The following RBX1 variants were observed in gnomAD, a reference collection of about 807,000 sequenced individuals.
RBX1 encodes the protein E3 ubiquitin-protein ligase RBX1.
For synonymous variants in RBX1, 48 were observed against 47.9 expected (o/e 1.00, Z -0.01); for missense variants, 46 against 141.4 (o/e 0.33, Z 3.42).
At chr22:40,955,973 T>G (rs1159966541) in intron 2 of RBX1, among the ~76,000 whole-genome samples, 2 of 152,232 alleles carry the variant, frequency 1.3e-5, no homozygotes, top group Non-Finnish European at 2.9e-5. Flanking sequence ...CCTTGCATTT[T>G]CACAAGGAGT....
At chr22:40,964,375 A>C (rs1349229819) in intron 3 of RBX1, 1 of 344,432 alleles carries the variant, frequency 2.9e-6, no homozygotes, top group Non-Finnish European at 5.4e-6. Flanking sequence ...TTGGGGCTTC[A>C]TCTATGGGAA....
chr22:40,963,313 T>C (rs1277460564), intron 2 of RBX1, among the ~76,000 whole-genome samples: 1 of 152,112 alleles, frequency 6.6e-6, no homozygotes, highest in Non-Finnish European at 1.5e-5. Context: ...CCAGTTGTGC[T>C]TTACCCATCA....
intron 4 of RBX1, among the ~76,000 whole-genome samples, chr22:40,970,047 C>A: frequency 2.2e-5 from 3 of 137,314 alleles, no homozygotes; most frequent in South Asian, 2.5e-4. Context: ...GGTAATAGAC[C>A]CAATTTAAAA....
At chr22:40,957,328 A>G (rs2058328374) in intron 2 of RBX1, among the ~76,000 whole-genome samples, 1 of 148,080 alleles carries the variant, frequency 6.8e-6, no homozygotes, top group Non-Finnish European at 1.5e-5. Context: ...CTGGACAAAA[A>G]GAGCAAAACT....
intron 2 of RBX1, among the ~76,000 whole-genome samples, chr22:40,956,992 G>A (rs947459769): frequency 1.3e-5 from 2 of 151,770 alleles, no homozygotes; most frequent in African/African-American, 2.4e-5. Context: ...CTGAGATCGC[G>A]CCATTGCACT....
chr22:40,967,241 A>C (rs12166456), intron 3 of RBX1: 1 of 152,310 alleles, frequency 6.6e-6, no homozygotes, highest in Non-Finnish European at 1.5e-5. Context: ...AAATCTAGAA[A>C]TAAAGTTTCT....
At chr22:40,955,782 T>C (rs2058323798) in intron 2 of RBX1, among the ~76,000 whole-genome samples, 2 of 152,232 alleles carry the variant, frequency 1.3e-5, no homozygotes, top group Admixed American at 1.3e-4. Context: ...ATACTGGTCA[T>C]GTATTGCCCT....
chr22:40,964,510 G>T, intron 3 of RBX1: 1 of 189,204 alleles, frequency 5.3e-6, no homozygotes, highest in Non-Finnish European at 1.1e-5. Flanking sequence ...ATTGAGTGTT[G>T]AAGTCTCTGT....
chr22:40,961,081 C>CTTTTTTTTTTTTTTTTTTTTTTTTT (rs61092253), intron 2 of RBX1, among the ~76,000 whole-genome samples: 2 of 107,670 alleles, frequency 1.9e-5, no homozygotes, highest in African/African-American at 7.4e-5. Context: ...CGTGCCTGGC[C>CTTTTTTTTTTTTTTTTTTTTTTTTT]TTTTTTTTTT....
intron 4 of RBX1, among the ~76,000 whole-genome samples, chr22:40,968,272 G>A (rs568682640): frequency 3.3e-5 from 5 of 151,854 alleles, no homozygotes; most frequent in South Asian, 4.2e-4. Flanking sequence ...TGTATTTTTC[G>A]TAGAGATTGG....
intron 2 of RBX1, among the ~76,000 whole-genome samples, chr22:40,961,921 A>T (rs1341810338): frequency 3.3e-5 from 5 of 151,844 alleles, no homozygotes; most frequent in African/African-American, 1.2e-4. Flanking sequence ...AGTAGCTGGG[A>T]TTACAGATAT....
At chr22:40,962,263 C>T (rs2058342792) in intron 2 of RBX1, among the ~76,000 whole-genome samples, 1 of 151,682 alleles carries the variant, frequency 6.6e-6, no homozygotes, top group African/African-American at 2.4e-5. Context: ...CACCATGCAC[C>T]ACTAACTTTT....
intron 1 of RBX1, among the ~76,000 whole-genome samples, chr22:40,953,165 ATTT>A (rs2058316076): frequency 6.6e-6 from 1 of 151,560 alleles, no homozygotes; most frequent in Non-Finnish European, 1.5e-5. Flanking sequence ...TAATTTTTGT[ATTT>A]TTAGTAAAGA....
intron 3 of RBX1, among the ~76,000 whole-genome samples, chr22:40,965,723 T>TGA (rs1177856044): frequency 6.6e-6 from 1 of 152,208 alleles, no homozygotes; most frequent in African/African-American, 2.4e-5. Context: ...ATTACAGGCG[T>TGA]GAGCCACCGT....
intron 4 of RBX1, among the ~76,000 whole-genome samples, chr22:40,970,045 A>G (rs533538864): frequency 7.4e-6 from 1 of 135,906 alleles, no homozygotes; most frequent in African/African-American, 2.7e-5. Flanking sequence ...TAGGTAATAG[A>G]CCCAATTTAA....
chr22:40,956,295 A>G (rs1405968104), intron 2 of RBX1, among the ~76,000 whole-genome samples: 1 of 151,404 alleles, frequency 6.6e-6, no homozygotes, highest in Non-Finnish European at 1.5e-5. Context: ...TTATGAAAGT[A>G]TTTTCTAAGT....
At chr22:40,970,950 G>T (rs993701754) in intron 4 of RBX1, among the ~76,000 whole-genome samples, 6 of 152,154 alleles carry the variant, frequency 3.9e-5, no homozygotes, top group African/African-American at 1.4e-4. Flanking sequence ...GCTAAGTACC[G>T]TGTAAAATAT....
At chr22:40,955,028 C>G (rs1278464919) in intron 2 of RBX1, among the ~76,000 whole-genome samples, 1 of 152,166 alleles carries the variant, frequency 6.6e-6, no homozygotes. Context: ...CTCGGGTGAT[C>G]CGCGTGCCTC....
At chr22:40,954,567 ACTTTTTCATC>A (rs1279500979) in intron 2 of RBX1, among the ~76,000 whole-genome samples, 2 of 152,138 alleles carry the variant, frequency 1.3e-5, no homozygotes, top group Non-Finnish European at 2.9e-5. Context: ...AGTTGAGGTT[ACTTTTTCATC>A]CGGGAACTAA....
Sources: allele counts gnomAD v4.1 joint callset (sites outside exome capture counted in the v4.1 genomes callset), GRCh38; gene constraint gnomAD v4.1.1; transcripts MANE v1.5; gene names NCBI Gene and HGNC (gene_info 2026-07-23, HGNC 2026-07-21).